The following FAM193A variants were observed in gnomAD, a reference collection of about 807,000 sequenced individuals.
The protein encoded by FAM193A is family with sequence similarity 193 member A, also known as protein FAM193A.
A neutral mutation model predicts 126.5 loss-of-function variants in FAM193A; 22 were observed. The ratio of observed to expected loss-of-function variants is 0.17; its 90% CI spans 0.12 to 0.25. The LOEUF (loss-of-function observed/expected upper bound fraction) is 0.25. Ranked by LOEUF, FAM193A falls within the 10% of genes least tolerant of loss-of-function variation. The pLI, the probability that FAM193A is intolerant of heterozygous loss-of-function variation, is 1.00. For synonymous variants in FAM193A, 761 were observed against 646.8 expected, an observed-to-expected ratio of 1.18 and a Z score of -2.68; for missense variants, 1,675 against 1,672.8, an observed-to-expected ratio of 1.00 and a Z score of -0.02.
chr4:2,547,878 G>A (rs1280370899), intron 1 of FAM193A, among the ~76,000 whole-genome samples: 1 of 151,120 alleles, frequency 6.6e-6, no homozygotes, highest in African/African-American at 2.4e-5. Context: ...GCCCACCTTG[G>A]CCTCCCAAAG....
At chr4:2,669,003 C>G (rs756438547) in intron 12 of FAM193A, among the ~76,000 whole-genome samples, 2 of 151,956 alleles carry the variant, frequency 1.3e-5, no homozygotes, top group South Asian at 4.2e-4. Flanking sequence ...CCATGGCACC[C>G]GGCTAATTTT....
intron 8 of FAM193A, among the ~76,000 whole-genome samples, chr4:2,659,240 C>G (rs1484083373): frequency 6.6e-6 from 1 of 152,212 alleles, no homozygotes. Context: ...GCTCTGTTCT[C>G]AGTACCTTGC....
chr4:2,554,245 C>G (rs1414436404), intron 1 of FAM193A, among the ~76,000 whole-genome samples: 1 of 151,976 alleles, frequency 6.6e-6, no homozygotes, highest in Non-Finnish European at 1.5e-5. Context: ...CCACTGTGCC[C>G]AGCTAAGTTT....
intron 1 of FAM193A, among the ~76,000 whole-genome samples, chr4:2,563,321 T>A (rs1452745104): frequency 6.6e-6 from 1 of 152,206 alleles, no homozygotes; most frequent in Non-Finnish European, 1.5e-5. Flanking sequence ...GGAATTTGTA[T>A]GCATGACACA....
intron 12 of FAM193A, among the ~76,000 whole-genome samples, chr4:2,669,767 C>T (rs956544175): frequency 6.6e-6 from 1 of 152,206 alleles, no homozygotes; most frequent in Non-Finnish European, 1.5e-5. Context: ...ACTCTTGTTA[C>T]AGTCATCAGC....
intron 2 of FAM193A, among the ~76,000 whole-genome samples, chr4:2,617,168 C>CA (rs1173633454): frequency 0.024 from 1,242 of 51,828 alleles, 37 homozygotes; most frequent in African/African-American, 0.067. Context: ...ACTCCATCTC[C>CA]AAAAAAAAAA....
chr4:2,575,191 T>C (rs1739514936), intron 1 of FAM193A, among the ~76,000 whole-genome samples: 1 of 152,116 alleles, frequency 6.6e-6, no homozygotes, highest in African/African-American at 2.4e-5. Context: ...CAGAGGCCTA[T>C]GCCCCAAGAA....
intron 1 of FAM193A, among the ~76,000 whole-genome samples, chr4:2,574,468 A>G (rs969484022): frequency 2.0e-5 from 3 of 152,178 alleles, no homozygotes; most frequent in Non-Finnish European, 4.4e-5. Flanking sequence ...TGAGATATCC[A>G]AGGGGATATG....
intron 2 of FAM193A, among the ~76,000 whole-genome samples, chr4:2,601,114 C>G (rs1419769125): frequency 1.3e-5 from 2 of 151,974 alleles, no homozygotes; most frequent in African/African-American, 4.8e-5. Context: ...AGTGAGACCC[C>G]GTCTCTTTTA....
chr4:2,586,493 C>T (rs1055906881), intron 1 of FAM193A, among the ~76,000 whole-genome samples: 5 of 151,980 alleles, frequency 3.3e-5, no homozygotes, highest in South Asian at 2.1e-4. Context: ...AAAGGCCATT[C>T]TTTCCATAGT....
intron 10 of FAM193A, among the ~76,000 whole-genome samples, chr4:2,662,309 C>G (rs1047645638): frequency 4.0e-5 from 6 of 151,650 alleles, no homozygotes; most frequent in Admixed American, 2.0e-4. Flanking sequence ...GGCCTTAAAG[C>G]AAAAAAAATT....
intron 15 of FAM193A, among the ~76,000 whole-genome samples, chr4:2,692,211 A>G (rs1025847809): frequency 5.9e-5 from 9 of 152,172 alleles, no homozygotes; most frequent in African/African-American, 1.2e-4. Context: ...GAAATTTACA[A>G]TCATGGTGGA....
chr4:2,727,035 C>T (rs964309823), intron 20 of FAM193A, among the ~76,000 whole-genome samples: 3 of 150,834 alleles, frequency 2.0e-5, no homozygotes, highest in African/African-American at 7.3e-5. Flanking sequence ...CCAAAGCGGG[C>T]GGATCACGAG....
At chr4:2,604,398 T>C (rs1271745645) in intron 2 of FAM193A, among the ~76,000 whole-genome samples, 1 of 152,216 alleles carries the variant, frequency 6.6e-6, no homozygotes, top group Non-Finnish European at 1.5e-5. Context: ...GCTTTTTTGG[T>C]GCTTAATCTG....
intron 2 of FAM193A, among the ~76,000 whole-genome samples, chr4:2,607,555 G>A (rs1438676303): frequency 6.6e-6 from 1 of 152,198 alleles, no homozygotes; most frequent in Non-Finnish European, 1.5e-5. Flanking sequence ...TCTGTCTGCT[G>A]ATACATATTT....
At chr4:2,626,136 G>A (rs1295652832) in intron 3 of FAM193A, among the ~76,000 whole-genome samples, 2 of 152,170 alleles carry the variant, frequency 1.3e-5, no homozygotes, top group Non-Finnish European at 2.9e-5. Context: ...GGAGGTGAAG[G>A]CCAGGTCAGC....
intron 19 of FAM193A, among the ~76,000 whole-genome samples, chr4:2,712,093 A>G (rs561979415): frequency 1.3e-5 from 2 of 151,986 alleles, no homozygotes; most frequent in Non-Finnish European, 2.9e-5. Flanking sequence ...AAACCTATTG[A>G]TACTTTCTGA....
chr4:2,567,123 T>G (rs1240936578), intron 1 of FAM193A, among the ~76,000 whole-genome samples: 3 of 148,660 alleles, frequency 2.0e-5, no homozygotes, highest in Non-Finnish European at 4.5e-5. Flanking sequence ...TTTTTTTTTG[T>G]ATTTTTAGTA....
At chr4:2,707,234 G>A (rs918369995) in intron 19 of FAM193A, among the ~76,000 whole-genome samples, 2 of 152,100 alleles carry the variant, frequency 1.3e-5, no homozygotes, top group African/African-American at 4.8e-5. Context: ...CCAAGAACAA[G>A]GGATGTTTTT....
Sources: gnomAD v4.1 joint callset for allele counts (sites outside exome capture counted in the v4.1 genomes callset) on GRCh38, gnomAD v4.1.1 for gene constraint, MANE v1.5 for transcripts, NCBI Gene and HGNC (gene_info 2026-07-23, HGNC 2026-07-21) for gene names.